The following MYBBP1A variants were observed in gnomAD, a reference collection of about 807,000 sequenced individuals.
The protein encoded by MYBBP1A is myb-binding protein 1A.
A neutral mutation model predicts 136.3 loss-of-function variants in MYBBP1A; 147 were observed. The ratio of observed to expected loss-of-function variants is 1.08; its 90% CI spans 0.94 to 1.24. The LOEUF (loss-of-function observed/expected upper bound fraction) is 1.24. Among genes scored for constraint, MYBBP1A ranks in the 50% most tolerant of loss-of-function variants. The probability of loss-of-function intolerance (pLI) is 0.00; values close to 1 mark genes in which losing one functional copy is unlikely to be tolerated. For synonymous variants in MYBBP1A, 947 were observed against 735.8 expected (o/e 1.29, Z -4.65); for missense variants, 2,060 against 1,727.4 (o/e 1.19, Z -3.41).
At position 4,547,909 on chromosome 17, in the gene MYBBP1A, G is replaced by A. The variant is rs768513170; in HGVS notation, c.1824+49C>T. 8 of 1,392,682 alleles carry A rather than the reference G, an allele frequency of 5.7e-6. No homozygotes were observed. The South Asian group carries it at 1.0e-4, about 18-fold the overall frequency. The allele number at this position is 1,392,682 out of a possible 1,614,324, so 86.3% of individuals were successfully genotyped here. ...AAAGCCTCTCGGTAGGGGGCCCATTGTGCCATAGAACCCCAGGCTCACAGC... is the reference window on the plus strand; with the variant it reads ...AAAGCCTCTCGGTAGGGGGCCCATTATGCCATAGAACCCCAGGCTCACAGC... On this transcript the variant is annotated intron_variant, in intron 13 of 25. Transcript: ENST00000254718.
Position 4,540,372 on chromosome 17 carries a change from T to G in MYBBP1A, c.3410A>C (p.Gln1137Pro). The G allele has an allele frequency of 6.2e-7, 1 of 1,609,028 alleles. No homozygotes were observed. Among genetic ancestry groups the G allele is most frequent in the Non-Finnish European group, 8.5e-7 (1 of 1,179,720 alleles). The change falls in exon 25 of 26, where the codon CAG becomes CCG. Residue 1137 changes from glutamine (Q) to proline (P), a missense_variant. By Grantham distance (76) the Gln-to-Pro change is moderately conservative (BLOSUM62 -1). Coordinates refer to ENST00000254718, the MANE Select transcript of MYBBP1A (RefSeq NM_014520.4). ...GSSRLHDLYW[Q>P]AMKTLGVQRP... Reference sequence around the variant, plus strand: ...CTGGACTCCCAGGGTTTTCATGGCCTGCCAGTAGAGGTCGTGCAGGCGGCT... The same window carrying G: ...CTGGACTCCCAGGGTTTTCATGGCCGGCCAGTAGAGGTCGTGCAGGCGGCT...
Position 4,539,506 on chromosome 17 carries a change from T to C in MYBBP1A, c.3896A>G (p.Lys1299Arg), listed in dbSNP as rs78578064. 3.9e-3 allele frequency: 6,264 copies of C among 1,614,096 alleles called. 198 individuals carry two copies. The African/African-American group carries it at 0.071, about 18-fold the overall frequency. ...KSPLSALARK[K>R]ARLSLVIRSP... ...CCTGATGACCAAAGACAGCCTTGCC[T>C]TTTTCCGTGCCAGCGCGGACAGTGG... Residue 1299 changes from lysine (K) to arginine (R), a missense_variant, in exon 26 of 26, where the codon AAG (lysine) becomes AGG (arginine). By Grantham distance (26) the Lys-to-Arg change is conservative (BLOSUM62 2). Coordinates refer to ENST00000254718, the MANE Select transcript of MYBBP1A (RefSeq NM_014520.4).
Position 4,545,609 on chromosome 17 carries a change from C to T in MYBBP1A, c.2073+1G>A. The T allele has an allele frequency of 1.9e-6, 3 of 1,580,026 alleles. No individual in the cohort carries two copies. The highest frequency in any genetic ancestry group is 2.6e-6 in the Non-Finnish European group (3 of 1,159,118). On this transcript the variant is annotated splice_donor_variant, in intron 15 of 25. Coordinates refer to ENST00000254718, the MANE Select transcript of MYBBP1A (RefSeq NM_014520.4). LOFTEE classifies it high-confidence loss of function. ...TTCCACTCCCAAAGGTCCCAACTCA[C>T]ATCCAGAATTAGCTGCAGGGCACGC...
chr17:4,544,693 G>C, intron 18 of MYBBP1A, 47 bp from the exon 19 acceptor site: 2 of 1,437,278 alleles, frequency 1.4e-6, no homozygotes, highest in Non-Finnish European at 1.9e-6. Flanking sequence ...GGCGCACAGG[G>C]AGGCGGGGGT....
chr17:4,542,866 C>T, intron 20 of MYBBP1A, 47 bp downstream of exon 20: 1 of 1,608,934 alleles, frequency 6.2e-7, no homozygotes, highest in Non-Finnish European at 8.5e-7. Context: ...CCTCCACTCC[C>T]TGGCTGTGAA....
chr17:4,549,343 C>T lies in MYBBP1A; in HGVS notation c.1419G>A (p.Glu473=), dbSNP rs1907294679. 8 of 1,611,772 alleles carry T rather than the reference C, an allele frequency of 5.0e-6. No individual in the cohort carries two copies. Among genetic ancestry groups the T allele is most frequent in the Middle Eastern group, 3.3e-4 (2 of 6,084 alleles). ...AGCACAGCTCGCACCTGGCCACCTG[C>T]TCAGTCAAGGCCTCCTCCATCTCCA... is the stretch of plus-strand genomic sequence containing the variant. The part of the protein sequence containing the change: ...LHLEMEEALT[E]QVARFCLFHS... The change falls in exon 10 of 26, where the codon GAG becomes GAA. Residue 473 remains glutamate, a synonymous_variant. Coordinates refer to ENST00000254718, the MANE Select transcript of MYBBP1A (RefSeq NM_014520.4).
intron 8 of MYBBP1A, among the ~76,000 whole-genome samples, chr17:4,551,001 T>C (rs916060913): frequency 9.9e-5 from 15 of 152,266 alleles, no homozygotes; most frequent in African/African-American, 2.7e-4. Context: ...CAAGCTGTTT[T>C]CCTTTCAATT....
chr17:4,555,137 C>T lies in MYBBP1A; in HGVS notation c.188G>A (p.Gly63Asp). Residue 63 changes from glycine to aspartate, a missense_variant, in exon 1 of 26, where the codon GGC (glycine) becomes GAC (aspartate). By Grantham distance (94) the Gly-to-Asp change is moderately conservative. Transcript: ENST00000254718. ...ACCCCGCCACTCCACCTTCGGCCTGCCACGCAGATACTCCAGCAGCTTCTC... is the reference window on the plus strand; with the variant it reads ...ACCCCGCCACTCCACCTTCGGCCTGTCACGCAGATACTCCAGCAGCTTCTC... ...ATEKLLEYLR[G>D]RPKGSEMKYA... The T allele has an allele frequency of 6.3e-7, 1 of 1,593,146 alleles. No individual in the cohort carries two copies. The highest frequency in any genetic ancestry group is 8.5e-7 in the Non-Finnish European group (1 of 1,169,680).
intron 22 of MYBBP1A, 80 bp downstream of exon 22, chr17:4,542,384 G>T: frequency 3.4e-6 from 5 of 1,461,352 alleles, no homozygotes; most frequent in Non-Finnish European, 4.7e-6. Context: ...GCGCTCTGGG[G>T]CCTCACAATA....
chr17:4,550,431 G>A (rs1187526886), intron 8 of MYBBP1A, 78 bp from the exon 9 acceptor site: 16 of 1,512,748 alleles, frequency 1.1e-5, no homozygotes, highest in Non-Finnish European at 1.4e-5. Context: ...CAAGGGGGCA[G>A]GCGGGCAACA....
rs369774245 is a variant in MYBBP1A, at chr17:4,544,700, G to A, written c.2481+51C>T. The stretch of plus-strand genomic sequence containing the variant: ...CGGGGGTGGGCGCACAGGGAGGCGG[G>A]GGTGGGCGCACAGGGAGGCGGGGGT... On this transcript the variant is annotated intron_variant, in intron 18 of 25. Coordinates refer to ENST00000254718, the MANE Select transcript of MYBBP1A (RefSeq NM_014520.4). 8.5e-5 allele frequency: 128 copies of A among 1,505,482 alleles called. No individual in the cohort carries two copies. In the East Asian group the frequency reaches 1.4e-3, roughly 17 times the overall value. 93.3% of individuals were successfully genotyped at this position (1,505,482 alleles called of 1,614,324 possible).
In MYBBP1A at chr17:4,548,090, C is replaced by A; in HGVS notation, c.1725-33G>T. ...GAGACAGGCGATTCCCAGGCCCCTG[C>A]ACCAGTCAGACTGCAGCGTCCTGCC... On this transcript the variant is annotated intron_variant, in intron 12 of 25. Transcript: ENST00000254718. The surrounding 1 kb of genome is among the most constrained non-coding windows in gnomAD (Gnocchi z 4.2). 6.2e-7 allele frequency: 1 copy of A among 1,601,024 alleles called. No homozygotes were observed.
intron 23 of MYBBP1A, 81 bp downstream of exon 23, chr17:4,541,703 A>G: frequency 6.8e-7 from 1 of 1,472,718 alleles, no homozygotes; most frequent in South Asian, 1.1e-5. Flanking sequence ...TCAGGCTCCA[A>G]TCCTCACTTC....
At chr17:4,540,153 C>T (rs1356712908) in intron 25 of MYBBP1A, among the ~76,000 whole-genome samples, 186 bp from the exon 26 acceptor site, 3 of 94,086 alleles carry the variant, frequency 3.2e-5, no homozygotes, top group Non-Finnish European at 4.3e-5. Context: ...GAGGGTCCTG[C>T]GAGGCTCCTG....
intron 18 of MYBBP1A, 32 bp downstream of exon 18, chr17:4,544,719 C>A: frequency 3.6e-6 from 1 of 274,836 alleles, no homozygotes; most frequent in South Asian, 3.6e-5. Flanking sequence ...CACAGGGAGG[C>A]GGGGGTGGGT....
Position 4,550,056 on chromosome 17 carries a change from A to G in MYBBP1A, c.1319+2T>C, listed in dbSNP as rs1295562772. 6.2e-7 allele frequency: 1 copy of G among 1,605,684 alleles called. No individual in the cohort carries two copies. The highest frequency in any genetic ancestry group is 2.2e-5 in the East Asian group (1 of 44,698). On this transcript the variant is annotated splice_donor_variant, in intron 9 of 25. Coordinates refer to ENST00000254718, the MANE Select transcript of MYBBP1A (RefSeq NM_014520.4). LOFTEE classifies it high-confidence loss of function. The stretch of plus-strand genomic sequence containing the variant: ...AGGTGTCCTCCCCCAAGGTCCACTC[A>G]CATGTGGAGCGATGAATCCTGGGCT...
chr17:4,540,446 CAGCACACCCAGG>C lies in MYBBP1A; in HGVS notation c.3324_3335del (p.Leu1109_Leu1112del), dbSNP rs752203423. ...GCTGTAGGCTCTGCTGTTGCCCCTG[CAGCACACCCAGG>C]AGCACCGTCAGGTCCAAGGTCAGCT... On this transcript the variant is annotated inframe_deletion, in exon 25 of 26. Transcript: ENST00000254718. 2.0e-5 allele frequency: 32 copies of C among 1,610,904 alleles called. No homozygotes were observed. In the East Asian group the frequency reaches 5.8e-4, roughly 29 times the overall value.
chr17:4,548,739 G>C lies in MYBBP1A; in HGVS notation c.1431-90C>G. 1 of 1,558,068 alleles carries C rather than the reference G, an allele frequency of 6.4e-7. No homozygotes were observed. The highest frequency in any genetic ancestry group is 8.7e-7 in the Non-Finnish European group (1 of 1,145,354). On this transcript the variant is annotated intron_variant, in intron 10 of 25. Coordinates refer to ENST00000254718, the MANE Select transcript of MYBBP1A (RefSeq NM_014520.4). The surrounding 1 kb of genome is among the most constrained non-coding windows in gnomAD (Gnocchi z 4.2). ...TGGATGGTACCACCGAGGGTACAAG[G>C]CCAGGAGGAGGAGGAGCCGCCCTTC...
At chr17:4,543,694 A>T (rs1906681804) in intron 19 of MYBBP1A, among the ~76,000 whole-genome samples, 1 of 151,776 alleles carries the variant, frequency 6.6e-6, no homozygotes, top group Non-Finnish European at 1.5e-5. Flanking sequence ...CTGACTATCC[A>T]CGCAGCGCCC....
Sources: allele counts gnomAD v4.1 joint callset (sites outside exome capture counted in the v4.1 genomes callset), GRCh38; gene constraint gnomAD v4.1.1; non-coding constraint Gnocchi (gnomAD v3.1); transcripts MANE v1.5; gene names NCBI Gene and HGNC (gene_info 2026-07-23, HGNC 2026-07-21).